The following INVS variants were observed in gnomAD, a reference collection of about 807,000 sequenced individuals.
INVS encodes inversion of embryo turning homolog.
In INVS, 86 loss-of-function variants were observed where a neutral mutation model predicts 108.8. That is an observed-to-expected ratio of 0.79 (90% CI 0.66 to 0.95). The LOEUF (loss-of-function observed/expected upper bound fraction) is 0.95, where lower values mean the gene tolerates loss of function less well. Among genes scored for constraint, INVS ranks in the 40% least tolerant of loss-of-function variants. The probability of loss-of-function intolerance (pLI) is 0.00; values close to 1 mark genes in which losing one functional copy is unlikely to be tolerated. For synonymous variants in INVS, 455 were observed against 473.5 expected, an observed-to-expected ratio of 0.96 and a Z score of 0.51; for missense variants, 1,169 against 1,297.4, an observed-to-expected ratio of 0.90 and a Z score of 1.52.
intron 3 of INVS, among the ~76,000 whole-genome samples, chr9:100,209,992 G>A (rs1250708504): frequency 6.6e-6 from 1 of 151,972 alleles, no homozygotes; most frequent in Non-Finnish European, 1.5e-5. Flanking sequence ...CAATGCCGTC[G>A]CACATTCAGC....
chr9:100,129,410 G>T (rs1439974469), intron 3 of INVS, among the ~76,000 whole-genome samples: 1 of 151,946 alleles, frequency 6.6e-6, no homozygotes, highest in Non-Finnish European at 1.5e-5. Flanking sequence ...AGGTGGAAGG[G>T]TCGCTTGAGC....
At chr9:100,297,263 G>A (rs1833817621) in intron 15 of INVS, 117 bp downstream of exon 15, 1 of 854,494 alleles carries the variant, frequency 1.2e-6, no homozygotes, top group Non-Finnish European at 1.9e-6. Flanking sequence ...TTAGGTTGGT[G>A]CAAAATTAAT....
At chr9:100,273,651 C>T (rs762970972) in intron 12 of INVS, among the ~76,000 whole-genome samples, 4 of 149,832 alleles carry the variant, frequency 2.7e-5, no homozygotes, top group Non-Finnish European at 5.9e-5. Context: ...AATTCTCCTG[C>T]CTTGGCCTCC....
At chr9:100,261,114 G>C (rs1230134064) in intron 10 of INVS, among the ~76,000 whole-genome samples, 3 of 152,066 alleles carry the variant, frequency 2.0e-5, no homozygotes. Flanking sequence ...TGTTAATTAT[G>C]TTTTCCAAGT....
chr9:100,116,293 G>A (rs1424526405), intron 2 of INVS, among the ~76,000 whole-genome samples: 1 of 151,888 alleles, frequency 6.6e-6, no homozygotes, highest in African/African-American at 2.4e-5. Context: ...ATTTTTAGTA[G>A]AGATGGGGTT....
chr9:100,204,058 A>G (rs1830607820), intron 3 of INVS, among the ~76,000 whole-genome samples: 1 of 152,154 alleles, frequency 6.6e-6, no homozygotes, highest in South Asian at 2.1e-4. Context: ...TTTGGTAAAT[A>G]AAATACTAGT....
At chr9:100,175,499 C>A in intron 3 of INVS, 1 of 768,800 alleles carries the variant, frequency 1.3e-6, no homozygotes, top group Non-Finnish European at 2.4e-6. Flanking sequence ...AGAAATACCT[C>A]AGCCTCCAGC....
At chr9:100,220,696 A>G (rs140011601) in intron 3 of INVS, among the ~76,000 whole-genome samples, 227 of 152,332 alleles carry the variant, frequency 1.5e-3, no homozygotes, top group African/African-American at 5.0e-3. Context: ...AACAGGTTAT[A>G]CTAAATGATT....
At chr9:100,282,765 C>T (rs1392196189) in intron 12 of INVS, among the ~76,000 whole-genome samples, 1 of 152,100 alleles carries the variant, frequency 6.6e-6, no homozygotes. Context: ...AAATTGGTGT[C>T]ATTGTGGAGA....
At chr9:100,259,801 C>T (rs1253896126) in intron 10 of INVS, among the ~76,000 whole-genome samples, 1 of 151,850 alleles carries the variant, frequency 6.6e-6, no homozygotes, top group Non-Finnish European at 1.5e-5. Flanking sequence ...CCGCCCGCCT[C>T]GGCCTCCCTA....
At chr9:100,177,800 G>T (rs999343282) in intron 3 of INVS, among the ~76,000 whole-genome samples, 4 of 152,212 alleles carry the variant, frequency 2.6e-5, no homozygotes, top group Admixed American at 2.6e-4. Flanking sequence ...GCCTCTTCAA[G>T]TGGGTCCCTG....
At chr9:100,264,799 T>G (rs1832735549) in intron 10 of INVS, 23 bp from the exon 11 acceptor site, 1 of 1,500,508 alleles carries the variant, frequency 6.7e-7, no homozygotes, top group Non-Finnish European at 9.3e-7. Context: ...CCAGATGTAC[T>G]TGATTTTTGT....
chr9:100,113,665 A>G (rs914585249), intron 2 of INVS, among the ~76,000 whole-genome samples: 4 of 151,932 alleles, frequency 2.6e-5, no homozygotes, highest in Admixed American at 2.0e-4. Flanking sequence ...ACATGTATAG[A>G]TTGTGTAATG....
intron 3 of INVS, among the ~76,000 whole-genome samples, chr9:100,155,710 A>G (rs1033342447): frequency 1.1e-4 from 16 of 152,250 alleles, no homozygotes; most frequent in African/African-American, 3.9e-4. Flanking sequence ...AAAGACAGCT[A>G]CAAAGAAATC....
At position 100,122,807 on chromosome 9, in the gene INVS, A is replaced by G. The variant is rs565476238; in HGVS notation, c.107-3576A>G. 2.0e-5 allele frequency among the ~76,000 whole-genome samples: 3 copies of G among 151,776 alleles called. No individual in the cohort carries two copies. The South Asian group carries it at 6.2e-4, about 32-fold the overall frequency. ...CACCATGTTAGCCAGGATGGTCTCGATCTCCTGACCTCATGATTCGCCCGC... is the reference window on the plus strand; with the variant it reads ...CACCATGTTAGCCAGGATGGTCTCGGTCTCCTGACCTCATGATTCGCCCGC... On this transcript the variant is annotated intron_variant, in intron 2 of 16. Transcript: ENST00000262457.
chr9:100,278,990 C>CT (rs1833196987), intron 12 of INVS, among the ~76,000 whole-genome samples: 1 of 152,206 alleles, frequency 6.6e-6, no homozygotes, highest in Non-Finnish European at 1.5e-5. Context: ...ACTTCTTAGA[C>CT]TCAAACTGTT....
At chr9:100,120,243 C>T (rs1279188822) in intron 2 of INVS, among the ~76,000 whole-genome samples, 1 of 152,150 alleles carries the variant, frequency 6.6e-6, no homozygotes, top group African/African-American at 2.4e-5. Flanking sequence ...TATTCAAATA[C>T]ATTCAAACTT....
chr9:100,242,606 A>G lies in INVS; in HGVS notation c.833A>G (p.Asn278Ser), dbSNP rs1831914143. 10 of 1,611,792 alleles carry G rather than the reference A, an allele frequency of 6.2e-6. No individual in the cohort carries two copies. The highest frequency in any genetic ancestry group is 1.7e-5 in the Admixed American group (1 of 59,998). Reference sequence around the variant, plus strand: ...ATTGTCCATCTCCTTTTAGAAAGAAATAAGTCTGGAACTATCCCATCTGAC... The same window carrying G: ...ATTGTCCATCTCCTTTTAGAAAGAAGTAAGTCTGGAACTATCCCATCTGAC... ...AQIVHLLLER[N>S]KSGTIPSDSQ... is the part of the protein sequence containing the mutation. The change falls in exon 7 of 17, where the codon AAT (asparagine) becomes AGT (serine). Residue 278 changes from asparagine (N) to serine (S), a missense_variant. By Grantham distance (46) the Asn-to-Ser change is conservative. This residue lies in a region of INVS where 365 missense variants were observed against 397.5 expected (regional missense o/e 0.92). Coordinates refer to ENST00000262457, the MANE Select transcript of INVS (RefSeq NM_014425.5).
intron 2 of INVS, among the ~76,000 whole-genome samples, chr9:100,107,764 T>G (rs1827224721): frequency 1.3e-5 from 2 of 152,340 alleles, no homozygotes; most frequent in African/African-American, 4.8e-5. Context: ...TATATTTATG[T>G]GTATGAATAT....
Sources: gnomAD v4.1 joint callset for allele counts (sites outside exome capture counted in the v4.1 genomes callset) on GRCh38, gnomAD v4.1.1 for gene constraint, gnomAD v4.1.1 regional missense constraint, MANE v1.5 for transcripts, NCBI Gene and HGNC (gene_info 2026-07-23, HGNC 2026-07-21) for gene names.